Variants in SPAG16 observed in about 807,000 individuals in gnomAD.
SPAG16 encodes the protein sperm associated antigen 16.
Under a neutral mutation model 80.4 loss-of-function variants are expected in SPAG16, and 86 were observed. The observed-to-expected ratio is 1.07, with a 90% CI of 0.90 to 1.28. The LOEUF (loss-of-function observed/expected upper bound fraction) is 1.28. Among genes scored for constraint, SPAG16 ranks in the 50% most tolerant of loss-of-function variants. The pLI, the probability that SPAG16 is intolerant of heterozygous loss-of-function variation, is 0.00. For missense variants in SPAG16, 870 were observed against 765.3 expected (o/e 1.14, Z -1.61); for synonymous variants, 294 against 265.9 (o/e 1.11, Z -1.03).
chr2:213,392,715 C>T (rs929029928), intron 9 of SPAG16, among the ~76,000 whole-genome samples: 11 of 151,794 alleles, frequency 7.2e-5, no homozygotes, highest in East Asian at 1.9e-4. Context: ...GGCGTGGTGG[C>T]GGGTGCCTGT....
intron 15 of SPAG16, among the ~76,000 whole-genome samples, chr2:214,272,954 C>T (rs1297823796): frequency 1.3e-5 from 2 of 151,984 alleles, no homozygotes; most frequent in East Asian, 1.9e-4. Context: ...CCAGCACCTG[C>T]TGTTTCCTGA....
At chr2:213,416,754 C>T (rs2069280519) in intron 9 of SPAG16, among the ~76,000 whole-genome samples, 1 of 152,030 alleles carries the variant, frequency 6.6e-6, no homozygotes, top group Admixed American at 6.5e-5. Context: ...CAAGAGGAGA[C>T]AGAAGAGAGG....
chr2:213,885,269 A>T (rs12471502), intron 11 of SPAG16, among the ~76,000 whole-genome samples: 90,368 of 151,946 alleles, frequency 0.59, 28,755 homozygotes, highest in South Asian at 0.85. Flanking sequence ...TTTCATCCAG[A>T]AGATAGCATT....
chr2:213,537,926 A>G (rs1301145433), intron 10 of SPAG16, among the ~76,000 whole-genome samples: 1 of 152,160 alleles, frequency 6.6e-6, no homozygotes, highest in East Asian at 1.9e-4. Flanking sequence ...ATTGCTTCTT[A>G]ATACAGAAAG....
intron 11 of SPAG16, among the ~76,000 whole-genome samples, chr2:213,899,916 A>G (rs1395200862): frequency 2.0e-5 from 3 of 152,188 alleles, no homozygotes; most frequent in Non-Finnish European, 2.9e-5. Context: ...CAAGTTTGTG[A>G]AAAACAATTC....
intron 15 of SPAG16, among the ~76,000 whole-genome samples, chr2:214,230,207 C>T (rs1040986845): frequency 1.3e-5 from 2 of 151,900 alleles, no homozygotes; most frequent in East Asian, 1.9e-4. Context: ...ATTATTGTTA[C>T]GTGATTCTAG....
chr2:213,573,337 C>T (rs1020407994), intron 10 of SPAG16, among the ~76,000 whole-genome samples: 2 of 152,200 alleles, frequency 1.3e-5, no homozygotes, highest in African/African-American at 2.4e-5. Flanking sequence ...TTACCTAGAA[C>T]AATCATTTTT....
At chr2:214,368,364 G>T (rs2126083364) in intron 15 of SPAG16, among the ~76,000 whole-genome samples, 1 of 152,070 alleles carries the variant, frequency 6.6e-6, no homozygotes, top group East Asian at 1.9e-4. Flanking sequence ...CTGTGGTCAA[G>T]AAAAACCTCT....
chr2:214,162,965 C>A (rs1453222400), intron 15 of SPAG16, among the ~76,000 whole-genome samples: 2 of 151,988 alleles, frequency 1.3e-5, no homozygotes, highest in African/African-American at 2.4e-5. Context: ...TTGGTTGATT[C>A]AAAAAATTTA....
intron 10 of SPAG16, among the ~76,000 whole-genome samples, chr2:213,533,112 A>C (rs572787681): frequency 3.9e-5 from 6 of 152,292 alleles, no homozygotes; most frequent in African/African-American, 1.4e-4. Flanking sequence ...GTGTATATGT[A>C]GCTTTTATGT....
intron 10 of SPAG16, among the ~76,000 whole-genome samples, chr2:213,618,203 C>T (rs1356419212): frequency 6.6e-6 from 1 of 152,094 alleles, no homozygotes; most frequent in African/African-American, 2.4e-5. Flanking sequence ...CAACATAGAA[C>T]ACTCCTCCAA....
intron 10 of SPAG16, among the ~76,000 whole-genome samples, chr2:213,503,535 G>T (rs1575769771): frequency 6.6e-6 from 1 of 152,062 alleles, no homozygotes. Flanking sequence ...TTTAAGGTGA[G>T]ATCAACCTTT....
chr2:213,388,103 A>G (rs1197712462), intron 9 of SPAG16, among the ~76,000 whole-genome samples: 1 of 152,206 alleles, frequency 6.6e-6, no homozygotes, highest in African/African-American at 2.4e-5. Context: ...AACTCTTAGT[A>G]TATCAGCACC....
At chr2:213,462,753 A>T (rs1370355755) in intron 9 of SPAG16, among the ~76,000 whole-genome samples, 2 of 152,118 alleles carry the variant, frequency 1.3e-5, no homozygotes, top group Non-Finnish European at 2.9e-5. Context: ...GTGATGTGAA[A>T]CTGTGAGTCA....
intron 15 of SPAG16, among the ~76,000 whole-genome samples, chr2:214,185,711 G>A (rs577007481): frequency 1.8e-4 from 28 of 152,232 alleles, no homozygotes; most frequent in Non-Finnish European, 2.9e-4. Flanking sequence ...TTGGAGACCT[G>A]TCCAAGTGTG....
intron 9 of SPAG16, among the ~76,000 whole-genome samples, chr2:213,397,601 T>C (rs1036770724): frequency 6.6e-6 from 1 of 152,232 alleles, no homozygotes; most frequent in African/African-American, 2.4e-5. Flanking sequence ...ATGATCCTTC[T>C]AACTCTCTGA....
At chr2:213,315,471 G>T (rs562886928) in intron 4 of SPAG16, among the ~76,000 whole-genome samples, 2 of 151,706 alleles carry the variant, frequency 1.3e-5, no homozygotes, top group Admixed American at 6.6e-5. Flanking sequence ...TTCCCTCTTG[G>T]CTGAGTCATT....
intron 14 of SPAG16, among the ~76,000 whole-genome samples, chr2:214,146,599 T>A (rs903056626): frequency 6.6e-6 from 1 of 152,214 alleles, no homozygotes; most frequent in African/African-American, 2.4e-5. Context: ...TAATAGACAC[T>A]GCATCTGCCT....
chr2:214,280,292 C>T (rs905783027), intron 15 of SPAG16, among the ~76,000 whole-genome samples: 5 of 152,214 alleles, frequency 3.3e-5, no homozygotes, highest in African/African-American at 7.2e-5. Flanking sequence ...GATGTCAATT[C>T]TCCCCAGACT....
Sources: allele counts gnomAD v4.1 joint callset (sites outside exome capture counted in the v4.1 genomes callset), GRCh38; gene constraint gnomAD v4.1.1; transcripts MANE v1.5; gene names NCBI Gene and HGNC (gene_info 2026-07-23, HGNC 2026-07-21).